ATP6V1E2: variants seen among roughly 807,000 people sequenced by gnomAD.
ATP6V1E2 encodes the protein V-type proton ATPase subunit E 2.
For synonymous variants in ATP6V1E2, 121 were observed against 104.2 expected, an observed-to-expected ratio of 1.16 and a Z score of -0.98; for missense variants, 308 against 273.3, an observed-to-expected ratio of 1.13 and a Z score of -0.90.
Position 46,540,613 on chromosome 2 carries a change from C to CT in ATP6V1E2, c.-310+776dup, listed in dbSNP as rs59810518. ...TGAAATTTGAGAGCTTTTTCTGTAACTTTTTTTTTTTTTTTTTTTTTTTTT... is the reference window on the plus strand; with the variant it reads ...TGAAATTTGAGAGCTTTTTCTGTAACTTTTTTTTTTTTTTTTTTTTTTTTTT... On this transcript the variant is annotated intron_variant, in intron 2 of 4. Coordinates refer to ENST00000522587, the MANE Select transcript of ATP6V1E2 (RefSeq NM_001318063.2). Among the ~76,000 whole-genome samples, 725 of 115,522 alleles carry CT rather than the reference C, an allele frequency of 6.3e-3. 19 individuals carry two copies. The highest frequency in any genetic ancestry group is 0.013 in the East Asian group (59 of 4,672). The allele number at this position is 115,522 out of a possible 152,430, so 75.8% of individuals were successfully genotyped here.
At chr2:46,515,062 A>C (rs1224327314) in intron 4 of ATP6V1E2, among the ~76,000 whole-genome samples, 1 of 152,212 alleles carries the variant, frequency 6.6e-6, no homozygotes, top group Non-Finnish European at 1.5e-5. Flanking sequence ...AAAGAAAACT[A>C]AAGATTTTGC....
chr2:46,525,461 C>CAAAAAAAAAAAAAAAAA (rs57428249), intron 4 of ATP6V1E2, among the ~76,000 whole-genome samples: 1 of 56,728 alleles, frequency 1.8e-5, no homozygotes, highest in Admixed American at 2.3e-4. Context: ...GACTCCGTCT[C>CAAAAAAAAAAAAAAAAA]AAAAAAAAAA....
Position 46,535,461 on chromosome 2 carries a change from C to G in ATP6V1E2, c.-102+352G>C, listed in dbSNP as rs570584446. 1 of 152,312 alleles carries G rather than the reference C, an allele frequency of 6.6e-6. No homozygotes were observed. Among genetic ancestry groups the G allele is most frequent in the East Asian group, 1.9e-4 (1 of 5,190 alleles). 9.4% of individuals were successfully genotyped at this position (152,312 alleles called of 1,614,324 possible). A position where few individuals can be genotyped will look rare whatever the true frequency, so the allele number is the denominator to read the frequency against. ...ACAGGATTTAGAAAGGCTAGAGAAG[C>G]TGCTCAAGATAGAAACAGTGTCCGA... On this transcript the variant is annotated intron_variant, in intron 4 of 4. Coordinates refer to ENST00000522587, the MANE Select transcript of ATP6V1E2 (RefSeq NM_001318063.2). This position sits in a 1 kb window ranked among gnomAD's most constrained non-coding sequence, Gnocchi z 4.4.
intron 4 of ATP6V1E2, among the ~76,000 whole-genome samples, chr2:46,517,641 C>G (rs949874579): frequency 3.7e-4 from 56 of 152,036 alleles, no homozygotes; most frequent in Admixed American, 3.5e-3. Context: ...AAAGCAAAAG[C>G]AACAACAACA....
chr2:46,530,089 C>T lies in ATP6V1E2; in HGVS notation c.-102+5724G>A, dbSNP rs186818510. ...TAAGGCATCTGCTGGAAATTCCCACCTTTAACTGAAGGTCTCAGGATCACT... is the reference window on the plus strand; with the variant it reads ...TAAGGCATCTGCTGGAAATTCCCACTTTTAACTGAAGGTCTCAGGATCACT... On this transcript the variant is annotated intron_variant, in intron 4 of 4. Transcript: ENST00000522587. The surrounding 1 kb of genome is among the most constrained non-coding windows in gnomAD (Gnocchi z 5.2). 2.5e-4 allele frequency among the ~76,000 whole-genome samples: 38 copies of T among 152,266 alleles called. No homozygotes were observed. Among genetic ancestry groups the T allele is most frequent in the African/African-American group, 8.9e-4 (37 of 41,550 alleles).
At chr2:46,528,029 A>G (rs1667009250) in intron 4 of ATP6V1E2, 1 of 152,218 alleles carries the variant, frequency 6.6e-6, no homozygotes, top group African/African-American at 2.4e-5. Flanking sequence ...GGACTATGAA[A>G]TCATTTACTG....
intron 2 of ATP6V1E2, 122 bp from the exon 3 acceptor site, chr2:46,536,825 C>A (rs1337707658): frequency 1.3e-5 from 2 of 151,984 alleles, no homozygotes; most frequent in Non-Finnish European, 2.9e-5. Flanking sequence ...GCTCTGGCGC[C>A]CAGCCTGGAG....
At chr2:46,539,893 C>T (rs991482517) in intron 2 of ATP6V1E2, among the ~76,000 whole-genome samples, 1 of 152,230 alleles carries the variant, frequency 6.6e-6, no homozygotes, top group Non-Finnish European at 1.5e-5. Flanking sequence ...GAAGCCTATT[C>T]TCTATTCTCT....
rs528900578 is a variant in ATP6V1E2, at chr2:46,529,617, A to C, written c.-102+6196T>G. On this transcript the variant is annotated intron_variant, in intron 4 of 4. Coordinates refer to ENST00000522587, the MANE Select transcript of ATP6V1E2 (RefSeq NM_001318063.2). The stretch of plus-strand genomic sequence containing the variant: ...AAAAAATTTTAAAAATGAGCTAGGC[A>C]TGATGGTGTGCACCTATGGTCTCAG... Among the ~76,000 whole-genome samples, 466 of 152,294 alleles carry C rather than the reference A, an allele frequency of 3.1e-3. 3 individuals carry two copies. The highest frequency in any genetic ancestry group is 0.011 in the African/African-American group (456 of 41,542).
intron 4 of ATP6V1E2, among the ~76,000 whole-genome samples, chr2:46,525,883 C>A (rs1294153307): frequency 1.3e-5 from 2 of 151,380 alleles, no homozygotes; most frequent in South Asian, 2.1e-4. Context: ...CTAGAAGTTT[C>A]CAGTGGCAGT....
At position 46,512,781 on chromosome 2, in the gene ATP6V1E2, T is replaced by C; in HGVS notation, c.-70A>G. The C allele has an allele frequency of 7.4e-7, 1 of 1,349,582 alleles. No individual in the cohort carries two copies. The highest frequency in any genetic ancestry group is 2.3e-5 in the East Asian group (1 of 42,648). The allele number at this position is 1,349,582 out of a possible 1,614,324, so 83.6% of individuals were successfully genotyped here. ...TTGGCTCCTTTGACTTAGGACAATTTCAGGAGTGTCTCTGGAGTTCCACTT... is the reference window on the plus strand; with the variant it reads ...TTGGCTCCTTTGACTTAGGACAATTCCAGGAGTGTCTCTGGAGTTCCACTT... On this transcript the variant is annotated 5_prime_UTR_variant, in exon 5 of 5. Transcript: ENST00000522587.
chr2:46,516,060 G>C (rs1233093543), intron 4 of ATP6V1E2, among the ~76,000 whole-genome samples: 1 of 152,122 alleles, frequency 6.6e-6, no homozygotes, highest in African/African-American at 2.4e-5. Context: ...GGAAGAAATA[G>C]ACAGCAATAC....
intron 4 of ATP6V1E2, chr2:46,519,163 C>T (rs749350077): frequency 3.3e-5 from 5 of 152,220 alleles, no homozygotes; most frequent in Non-Finnish European, 7.3e-5. Flanking sequence ...TTCCTTGGCA[C>T]CCGGGGCCAT....
intron 4 of ATP6V1E2, among the ~76,000 whole-genome samples, chr2:46,524,322 C>G (rs1210517591): frequency 3.3e-5 from 5 of 152,082 alleles, no homozygotes; most frequent in Admixed American, 2.0e-4. Context: ...AATGAAGATA[C>G]ATGAAAGAAC....
intron 2 of ATP6V1E2, among the ~76,000 whole-genome samples, chr2:46,539,855 T>C (rs1423893181): frequency 6.6e-6 from 1 of 152,230 alleles, no homozygotes; most frequent in Non-Finnish European, 1.5e-5. Flanking sequence ...CCTGGACCTA[T>C]GTACTAATTG....
At chr2:46,534,403 C>T (rs1667339818) in intron 4 of ATP6V1E2, 1 of 152,134 alleles carries the variant, frequency 6.6e-6, no homozygotes, top group Non-Finnish European at 1.5e-5. Context: ...TTTTCTATAT[C>T]TTCCAGTTTT....
intron 4 of ATP6V1E2, among the ~76,000 whole-genome samples, chr2:46,513,556 T>G (rs1477315123): frequency 2.0e-5 from 3 of 152,240 alleles, no homozygotes; most frequent in Non-Finnish European, 1.5e-5. Context: ...CTGGGCGCAG[T>G]GGCTCACGCC....
intron 4 of ATP6V1E2, among the ~76,000 whole-genome samples, chr2:46,532,997 C>A (rs1052392198): frequency 7.4e-4 from 113 of 151,704 alleles, no homozygotes; most frequent in African/African-American, 2.7e-3. Flanking sequence ...GGTTCTATTT[C>A]TACATGTTAT....
chr2:46,528,561 C>A (rs1667037257), intron 4 of ATP6V1E2, among the ~76,000 whole-genome samples: 1 of 152,238 alleles, frequency 6.6e-6, no homozygotes, highest in South Asian at 2.1e-4. Context: ...TCTCCCGCCT[C>A]ATGAGGGTGG....
Sources: gnomAD v4.1 joint callset for allele counts (sites outside exome capture counted in the v4.1 genomes callset) on GRCh38, gnomAD v4.1.1 for gene constraint, Gnocchi (gnomAD v3.1) non-coding constraint, MANE v1.5 for transcripts, NCBI Gene and HGNC (gene_info 2026-07-23, HGNC 2026-07-21) for gene names.